Variants in COL4A6 observed in about 807,000 individuals in gnomAD.
COL4A6 encodes collagen alpha-6(IV) chain.
A neutral mutation model predicts 126.7 loss-of-function variants in COL4A6; 59 were observed. The ratio of observed to expected loss-of-function variants is 0.47; its 90% CI spans 0.38 to 0.58. COL4A6 has a LOEUF of 0.58. Ranked by LOEUF, COL4A6 falls within the 20% of genes least tolerant of loss-of-function variation. The probability of loss-of-function intolerance (pLI) is 0.00; values close to 1 mark genes in which losing one functional copy is unlikely to be tolerated. For missense variants in COL4A6, 1,285 were observed against 1,337.3 expected, an observed-to-expected ratio of 0.96 and a Z score of 0.61; for synonymous variants, 547 against 496.6, an observed-to-expected ratio of 1.10 and a Z score of -1.35.
intron 2 of COL4A6, among the ~76,000 whole-genome samples, chrX:108,321,950 G>T (rs2039042283): frequency 9.0e-6 from 1 of 111,248 alleles, no homozygotes; most frequent in African/African-American, 3.3e-5. Flanking sequence ...GCTTCAAGGG[G>T]TTAGTTTGCC....
chrX:108,385,108 T>G (rs369701918), intron 2 of COL4A6, among the ~76,000 whole-genome samples: 31 of 110,453 alleles, frequency 2.8e-4, no homozygotes, highest in African/African-American at 8.2e-4. Flanking sequence ...TCATATATAC[T>G]ATATGAATGG....
chrX:108,298,916 T>C (rs954488407), intron 3 of COL4A6, among the ~76,000 whole-genome samples: 1 of 110,681 alleles, frequency 9.0e-6, no homozygotes, highest in Non-Finnish European at 1.9e-5. Context: ...CAGGGAGAAG[T>C]TTAAATTTCT....
intron 2 of COL4A6, among the ~76,000 whole-genome samples, chrX:108,320,968 A>T (rs2039012481): frequency 8.9e-6 from 1 of 111,781 alleles, no homozygotes; most frequent in African/African-American, 3.3e-5. Context: ...TTCCTTTGAG[A>T]TGAAGATCTT....
chrX:108,260,991 C>G (rs2037145201), intron 3 of COL4A6, among the ~76,000 whole-genome samples: 1 of 110,404 alleles, frequency 9.1e-6, no homozygotes, highest in African/African-American at 3.3e-5. Context: ...TCCTACCTTC[C>G]ACATTGGAGA....
chrX:108,367,558 C>T (rs746601593), intron 2 of COL4A6, among the ~76,000 whole-genome samples: 4 of 111,616 alleles, frequency 3.6e-5, no homozygotes, highest in South Asian at 3.8e-4. Flanking sequence ...CTGAGGCCCA[C>T]GATGAGAGGA....
At chrX:108,327,075 C>G (rs1022037170) in intron 2 of COL4A6, among the ~76,000 whole-genome samples, 1 of 111,049 alleles carries the variant, frequency 9.0e-6, no homozygotes, top group Non-Finnish European at 1.9e-5. Context: ...GACAAAGACC[C>G]GTACCTGTCT....
Position 108,158,354 on chromosome X carries a change from G to T in COL4A6, c.4813-1094C>A, listed in dbSNP as rs1043673322. 1.2e-4 allele frequency among the ~76,000 whole-genome samples: 13 copies of T among 112,625 alleles called. 1 individual carries two copies. Among genetic ancestry groups the T allele is most frequent in the African/African-American group, 4.2e-4 (13 of 30,976 alleles). ...CTCATTGCTTCAAGATGCCTTGCTA[G>T]GCAGTCCAACTTCTCACCCTTACAT... On this transcript the variant is annotated intron_variant, in intron 44 of 44. Coordinates refer to ENST00000334504, the MANE Select transcript of COL4A6 (RefSeq NM_033641.4).
rs994722326 is a variant in COL4A6 at position 108,155,731 on chromosome X, G to A, written c.*1269C>T. On this transcript the variant is annotated 3_prime_UTR_variant, in exon 45 of 45. Coordinates refer to ENST00000334504, the MANE Select transcript of COL4A6 (RefSeq NM_033641.4). ...ATTATGCTTTGTCTGTATTGGCACA[G>A]TTTATATAATACTTAAGGAAACAGA... is the stretch of plus-strand genomic sequence containing the variant. 2.7e-5 allele frequency: 3 copies of A among 111,873 alleles called. No individual in the cohort carries two copies. The highest frequency in any genetic ancestry group is 3.8e-5 in the Non-Finnish European group (2 of 53,260). The allele number at this position is 111,873 out of a possible 1,213,427, so 9.2% of individuals were successfully genotyped here. A position where few individuals can be genotyped will look rare whatever the true frequency, so the allele number is the denominator to read the frequency against.
Position 108,178,741 on chromosome X carries a change from A to G in COL4A6, c.2458T>C (p.Tyr820His). 2.5e-6 allele frequency: 3 copies of G among 1,211,617 alleles called. No individual in the cohort carries two copies. The highest frequency in any genetic ancestry group is 4.6e-4 in the Middle Eastern group (2 of 4,353). ...AGCCCAGATTTGCCCTTGATGCCAT[A>G]TGGACCACTAGATCCTGGGGTGCCT... ...QPGTPGSSGP[Y>H]GIKGKSGLPG... Residue 820 changes from tyrosine to histidine, a missense_variant, in exon 27 of 45, where the codon TAT (tyrosine) becomes CAT (histidine). By Grantham distance (83) the Tyr-to-His change is moderately conservative. Transcript: ENST00000334504.
intron 2 of COL4A6, among the ~76,000 whole-genome samples, chrX:108,412,187 T>C (rs977566820): frequency 1.1e-4 from 12 of 111,951 alleles, no homozygotes; most frequent in African/African-American, 3.9e-4. Flanking sequence ...TAAAAGATAG[T>C]GTCATAAGAT....
chrX:108,273,231 T>C (rs1429900177), intron 3 of COL4A6, among the ~76,000 whole-genome samples: 1 of 110,039 alleles, frequency 9.1e-6, no homozygotes, highest in Non-Finnish European at 1.9e-5. Context: ...CATGAAAAAA[T>C]GCTCATCATC....
At chrX:108,225,919 C>T (rs1309799874) in intron 3 of COL4A6, among the ~76,000 whole-genome samples, 1 of 112,620 alleles carries the variant, frequency 8.9e-6, no homozygotes, top group African/African-American at 3.2e-5. Context: ...CAACTTAGAG[C>T]TTTGCTTTTC....
Position 108,170,821 on chromosome X carries a change from G to A in COL4A6, c.3374C>T (p.Pro1125Leu), listed in dbSNP as rs747648789. The change falls in exon 34 of 45, where the codon CCT (proline) becomes CTT (leucine). Residue 1125 changes from proline (P) to leucine (L), a missense_variant. Pro to Leu is a moderately conservative substitution (Grantham distance 98). Coordinates refer to ENST00000334504, the MANE Select transcript of COL4A6 (RefSeq NM_033641.4). ...KVGVSGDVGL[P>L]GAPGFPGVAG... ...ATGTGGCATGGTACCTGGAGCTCCA[G>A]GAAGGCCAACATCTCCAGAAACACC... 7 of 1,211,911 alleles carry A rather than the reference G, an allele frequency of 5.8e-6. No homozygotes were observed. Among genetic ancestry groups the A allele is most frequent in the Non-Finnish European group, 7.8e-6 (7 of 895,180 alleles).
chrX:108,177,415 T>A (rs1026077594), intron 27 of COL4A6, among the ~76,000 whole-genome samples: 3 of 112,019 alleles, frequency 2.7e-5, no homozygotes, highest in Non-Finnish European at 5.6e-5. Flanking sequence ...CCTGAGCCAA[T>A]CGGTGAAGTA....
chrX:108,244,496 C>A (rs939432285), intron 3 of COL4A6, among the ~76,000 whole-genome samples: 13 of 111,649 alleles, frequency 1.2e-4, no homozygotes, highest in South Asian at 7.6e-4. Context: ...GAAACACACA[C>A]CTAAGCATTT....
At chrX:108,157,351 G>A in intron 44 of COL4A6, 91 bp from the exon 45 acceptor site, 1 of 1,108,137 alleles carries the variant, frequency 9.0e-7, no homozygotes, top group Non-Finnish European at 1.2e-6. Context: ...AGGGGCACAT[G>A]AGCTCCATTC....
At chrX:108,174,717 G>A (rs2034424527) in intron 30 of COL4A6, 96 bp from the exon 31 acceptor site, 3 of 745,583 alleles carry the variant, frequency 4.0e-6, no homozygotes, top group South Asian at 5.7e-5. Flanking sequence ...CCAAGTGCAG[G>A]CTCAGGGAGC....
At chrX:108,211,651 A>G in intron 7 of COL4A6, 21 bp downstream of exon 7, 2 of 1,203,521 alleles carry the variant, frequency 1.7e-6, no homozygotes, top group South Asian at 3.5e-5. Flanking sequence ...CTACTCAGCT[A>G]TCTGACTTAC....
intron 13 of COL4A6, 112 bp from the exon 14 acceptor site, chrX:108,196,691 G>T: frequency 1.8e-6 from 1 of 555,895 alleles, no homozygotes; most frequent in Non-Finnish European, 2.9e-6. Flanking sequence ...CCTTAGGGAG[G>T]CTCACCATGC....
Sources: gnomAD v4.1 joint callset for allele counts (sites outside exome capture counted in the v4.1 genomes callset) on GRCh38, gnomAD v4.1.1 for gene constraint, MANE v1.5 for transcripts, NCBI Gene and HGNC (gene_info 2026-07-23, HGNC 2026-07-21) for gene names.